The following FCHSD2 variants were observed in gnomAD, a reference collection of about 807,000 sequenced individuals.
FCHSD2 encodes the protein FCH and double SH3 domains 2.
Under a neutral mutation model 108.1 loss-of-function variants are expected in FCHSD2, and 38 were observed. The ratio of observed to expected loss-of-function variants is 0.35; its 90% CI spans 0.27 to 0.46. FCHSD2 has a LOEUF of 0.46. FCHSD2 is among the 20% of genes least tolerant of loss of function. The pLI is 1.00. For synonymous variants in FCHSD2, 279 were observed against 314.7 expected, an observed-to-expected ratio of 0.89 and a Z score of 1.20; for missense variants, 751 against 897.8, an observed-to-expected ratio of 0.84 and a Z score of 2.09.
intron 8 of FCHSD2, among the ~76,000 whole-genome samples, chr11:72,934,837 C>A (rs1421063905): frequency 6.6e-6 from 1 of 152,108 alleles, no homozygotes; most frequent in Non-Finnish European, 1.5e-5. Flanking sequence ...ACACAAATTT[C>A]TAAGGGAATA....
intron 9 of FCHSD2, among the ~76,000 whole-genome samples, chr11:72,915,473 A>G (rs1463548133): frequency 6.6e-6 from 1 of 152,212 alleles, no homozygotes; most frequent in Non-Finnish European, 1.5e-5. Context: ...ACCATTCACA[A>G]TAGCAGAGAC....
chr11:72,974,163 T>G (rs577928643), intron 8 of FCHSD2, among the ~76,000 whole-genome samples: 1 of 152,188 alleles, frequency 6.6e-6, no homozygotes, highest in East Asian at 1.9e-4. Context: ...CAACAGACGT[T>G]TATTTGGTTC....
At chr11:72,908,093 T>C (rs1166622792) in intron 9 of FCHSD2, among the ~76,000 whole-genome samples, 4 of 152,220 alleles carry the variant, frequency 2.6e-5, no homozygotes, top group Non-Finnish European at 5.9e-5. Context: ...CAATTTGTTT[T>C]AATTTTTTAA....
At chr11:72,847,091 G>T (rs1353245326) in intron 14 of FCHSD2, among the ~76,000 whole-genome samples, 1 of 152,050 alleles carries the variant, frequency 6.6e-6, no homozygotes, top group East Asian at 1.9e-4. Flanking sequence ...CGATCTCCTG[G>T]GCTCCAGTGA....
chr11:73,083,892 A>T (rs1234838703), intron 2 of FCHSD2, among the ~76,000 whole-genome samples, 152 bp from the exon 3 acceptor site: 1 of 152,232 alleles, frequency 6.6e-6, no homozygotes, highest in Non-Finnish European at 1.5e-5. Context: ...TACTGCTAAC[A>T]GCCTGGTCTC....
chr11:73,142,163 GGGGGCC>G lies in FCHSD2; in HGVS notation c.-292_-287del. ...AAGGAGGCGGAGACGGCGAGGGGGC[GGGGGCC>G]CCAGGAGCAGGGGCGCGAGGGTCTC... On this transcript the variant is annotated 5_prime_UTR_variant, in exon 1 of 20. Coordinates refer to ENST00000409418, the MANE Select transcript of FCHSD2 (RefSeq NM_014824.3). 4.0e-6 allele frequency: 1 copy of G among 248,674 alleles called. No homozygotes were observed. The highest frequency in any genetic ancestry group is 7.6e-5 in the East Asian group (1 of 13,238). The allele number at this position is 248,674 out of a possible 1,614,324, so 15.4% of individuals were successfully genotyped here. A position where few individuals can be genotyped will look rare whatever the true frequency, so the allele number is the denominator to read the frequency against.
At chr11:72,841,340 C>CAAA (rs59748827) in intron 18 of FCHSD2, 114 bp downstream of exon 18, 2,048 of 372,886 alleles carry the variant, frequency 5.5e-3, no homozygotes, top group East Asian at 6.9e-3. Flanking sequence ...ACTCTGTCTC[C>CAAA]AAAAAAAAAA....
intron 2 of FCHSD2, among the ~76,000 whole-genome samples, chr11:73,098,377 T>C (rs769116935): frequency 6.6e-6 from 1 of 152,208 alleles, no homozygotes; most frequent in African/African-American, 2.4e-5. Flanking sequence ...ATTAATTGAT[T>C]TCTAGCTTCA....
At chr11:72,925,405 G>C (rs1350321386) in intron 8 of FCHSD2, among the ~76,000 whole-genome samples, 1 of 152,100 alleles carries the variant, frequency 6.6e-6, no homozygotes, top group African/African-American at 2.4e-5. Flanking sequence ...TTGTGCCTAT[G>C]ATCTCAGCTA....
intron 8 of FCHSD2, among the ~76,000 whole-genome samples, chr11:72,944,966 C>A (rs974728437): frequency 6.6e-6 from 1 of 152,262 alleles, no homozygotes; most frequent in African/African-American, 2.4e-5. Context: ...GTGAAAATGG[C>A]CATACTGCCC....
chr11:72,912,639 G>T (rs2135295336), intron 9 of FCHSD2, among the ~76,000 whole-genome samples: 1 of 152,248 alleles, frequency 6.6e-6, no homozygotes, highest in East Asian at 1.9e-4. Flanking sequence ...TGGCCTTAGA[G>T]AATGAGATGG....
chr11:73,038,085 T>C (rs956794529), intron 3 of FCHSD2, among the ~76,000 whole-genome samples: 1 of 152,158 alleles, frequency 6.6e-6, no homozygotes, highest in South Asian at 2.1e-4. Flanking sequence ...AACAAAACCA[T>C]CTATCACTAA....
At chr11:73,020,488 T>C (rs1020430429) in intron 3 of FCHSD2, among the ~76,000 whole-genome samples, 1 of 152,252 alleles carries the variant, frequency 6.6e-6, no homozygotes, top group Non-Finnish European at 1.5e-5. Context: ...GCAAGTGATC[T>C]TTTAACAATG....
rs1855617014 is a variant in FCHSD2 at position 72,905,792 on chromosome 11, T to A, written c.829-3154A>T. Among the ~76,000 whole-genome samples the A allele has an allele frequency of 1.3e-5, 2 of 152,362 alleles. 1 individual carries two copies. Among genetic ancestry groups the A allele is most frequent in the African/African-American group, 4.8e-5 (2 of 41,584 alleles). ...CTCACCCCTTTTTATGGCTGCATAG[T>A]ATTCCATGGTGTATATGTGCTATAT... On this transcript the variant is annotated intron_variant, in intron 9 of 19. Transcript: ENST00000409418.
At chr11:73,036,226 A>G (rs117801487) in intron 3 of FCHSD2, among the ~76,000 whole-genome samples, 352 of 152,234 alleles carry the variant, frequency 2.3e-3, no homozygotes, top group Non-Finnish European at 4.5e-3. Flanking sequence ...AAGGAAGAAA[A>G]ATATACAATT....
At chr11:73,013,997 C>T (rs1328973064) in intron 4 of FCHSD2, among the ~76,000 whole-genome samples, 1 of 152,082 alleles carries the variant, frequency 6.6e-6, no homozygotes, top group Non-Finnish European at 1.5e-5. Flanking sequence ...ACTGAACATC[C>T]CATGCTCACT....
chr11:72,937,616 T>C (rs570318515), intron 8 of FCHSD2, among the ~76,000 whole-genome samples: 43 of 152,330 alleles, frequency 2.8e-4, no homozygotes, highest in Non-Finnish European at 2.9e-4. Flanking sequence ...GTGCTGGGAA[T>C]ATAGGCGTGA....
chr11:72,953,322 T>C (rs1856651972), intron 8 of FCHSD2, among the ~76,000 whole-genome samples: 2 of 152,216 alleles, frequency 1.3e-5, no homozygotes, highest in Admixed American at 1.3e-4. Flanking sequence ...TTTTTCAAAA[T>C]TCCTTTTTCA....
chr11:73,035,608 C>T (rs939928952), intron 3 of FCHSD2, among the ~76,000 whole-genome samples: 8 of 152,080 alleles, frequency 5.3e-5, no homozygotes, highest in African/African-American at 1.9e-4. Flanking sequence ...TGCTTAATAC[C>T]TTCATCTATT....
Sources: allele counts gnomAD v4.1 joint callset (sites outside exome capture counted in the v4.1 genomes callset), GRCh38; gene constraint gnomAD v4.1.1; transcripts MANE v1.5; gene names NCBI Gene and HGNC (gene_info 2026-07-23, HGNC 2026-07-21).